The following ADAM29 variants were observed in gnomAD, a reference collection of about 807,000 sequenced individuals.
The protein encoded by ADAM29 is disintegrin and metalloproteinase domain-containing protein 29.
For missense variants in ADAM29, 969 were observed against 1,001.8 expected, an observed-to-expected ratio of 0.97 and a Z score of 0.44; for synonymous variants, 367 against 342.3, an observed-to-expected ratio of 1.07 and a Z score of -0.80.
rs1291188095 is a variant in ADAM29 at position 174,977,393 on chromosome 4, G to GT, written c.1869dup (p.Asn624Ter). The GT allele has an allele frequency of 1.2e-6, 2 of 1,613,958 alleles. No individual in the cohort carries two copies. Among genetic ancestry groups the GT allele is most frequent in the Non-Finnish European group, 8.5e-7 (1 of 1,179,992 alleles). On this transcript the variant is annotated frameshift_variant, in exon 5 of 5. Coordinates refer to ENST00000359240, the MANE Select transcript of ADAM29 (RefSeq NM_014269.4). LOFTEE classifies it low-confidence loss of function (END_TRUNC). ...TGTGTCCATATAACCATCTTGAATA[G>GT]TAATTGCTCACCTGCATTTTGTAAC...
intron 4 of ADAM29, among the ~76,000 whole-genome samples, chr4:174,972,768 C>A (rs1008660513): frequency 2.0e-5 from 3 of 152,106 alleles, no homozygotes; most frequent in Admixed American, 6.6e-5. Flanking sequence ...CAGTAAGATG[C>A]CAGTTCTTTG....
chr4:174,919,999 A>T (rs1452486547), intron 1 of ADAM29, among the ~76,000 whole-genome samples: 2 of 152,142 alleles, frequency 1.3e-5, no homozygotes, highest in African/African-American at 4.8e-5. Context: ...TGTTAATCAA[A>T]TCTCTTATCT....
At chr4:174,941,215 G>T (rs1305385067) in intron 4 of ADAM29, among the ~76,000 whole-genome samples, 1 of 152,110 alleles carries the variant, frequency 6.6e-6, no homozygotes, top group Non-Finnish European at 1.5e-5. Flanking sequence ...GGTAAAGGTA[G>T]CAGTGTTTTT....
Position 174,969,791 on chromosome 4 carries a change from AATTT to A in ADAM29, c.-180-5549_-180-5546del, listed in dbSNP as rs1162202967. Reference sequence around the variant, plus strand: ...TTCCATATAAAAATGAAATATCATTAATTTATTTACCCAAAGTTGAGAATCTTTA... The same window carrying A: ...TTCCATATAAAAATGAAATATCATTAATTTACCCAAAGTTGAGAATCTTTA... On this transcript the variant is annotated intron_variant, in intron 4 of 4. Transcript: ENST00000359240. Among the ~76,000 whole-genome samples the A allele has an allele frequency of 1.6e-4, 24 of 152,198 alleles. 1 individual carries two copies. Among genetic ancestry groups the A allele is most frequent in the Admixed American group, 1.2e-3 (19 of 15,284 alleles).
chr4:174,976,470 T>G lies in ADAM29; in HGVS notation c.945T>G (p.Ile315Met). ...GMCTPHRSCAIVTFMNKTLGT... is the reference protein window; with the variant it reads ...GMCTPHRSCAMVTFMNKTLGT... ...GTACACCACACCGTAGTTGTGCAAT[T>G]GTTACTTTCATGAACAAAACTTTGG... The change falls in exon 5 of 5, where the codon ATT becomes ATG. Residue 315 changes from isoleucine (I) to methionine (M), a missense_variant. Transcript: ENST00000359240. 2 of 1,611,152 alleles carry G rather than the reference T, an allele frequency of 1.2e-6. No individual in the cohort carries two copies. Among genetic ancestry groups the G allele is most frequent in the Non-Finnish European group, 1.7e-6 (2 of 1,178,598 alleles).
At chr4:174,949,122 C>T (rs575605994) in intron 4 of ADAM29, among the ~76,000 whole-genome samples, 5 of 152,154 alleles carry the variant, frequency 3.3e-5, no homozygotes, top group East Asian at 1.9e-4. Context: ...GTTGGGTAAC[C>T]GAGGCTGCAC....
Position 174,975,653 on chromosome 4 carries a change from C to G in ADAM29, c.128C>G (p.Thr43Ser). Reference sequence around the variant, plus strand: ...ATTCCTGTGAGGATAACTGGCACCACCAGAGGCATGACACCTCCAGGCTGG... The same window carrying G: ...ATTCCTGTGAGGATAACTGGCACCAGCAGAGGCATGACACCTCCAGGCTGG... ...VVIPVRITGT[T>S]RGMTPPGWLS... The change falls in exon 5 of 5, where the codon ACC becomes AGC. Residue 43 changes from threonine to serine, a missense_variant. Physicochemically the swap from Thr to Ser is moderately conservative, Grantham distance 58. Coordinates refer to ENST00000359240, the MANE Select transcript of ADAM29 (RefSeq NM_014269.4). 6.2e-7 allele frequency: 1 copy of G among 1,613,158 alleles called. No individual in the cohort carries two copies. Among genetic ancestry groups the G allele is most frequent in the Non-Finnish European group, 8.5e-7 (1 of 1,179,582 alleles).
intron 2 of ADAM29, among the ~76,000 whole-genome samples, chr4:174,926,179 C>T (rs1419535355): frequency 1.3e-5 from 2 of 151,948 alleles, no homozygotes; most frequent in African/African-American, 4.8e-5. Flanking sequence ...CCTGGTTTAT[C>T]GTATTTAACT....
At chr4:174,935,479 A>G (rs1229875820) in intron 3 of ADAM29, among the ~76,000 whole-genome samples, 1 of 152,108 alleles carries the variant, frequency 6.6e-6, no homozygotes, top group Non-Finnish European at 1.5e-5. Context: ...AAGTAAACCT[A>G]CTACCCCATT....
At position 174,976,826 on chromosome 4, in the gene ADAM29, G is replaced by A. The variant is rs267600091; in HGVS notation, c.1301G>A (p.Gly434Asp). 1 of 1,614,182 alleles carries A rather than the reference G, an allele frequency of 6.2e-7. No individual in the cohort carries two copies. Among genetic ancestry groups the A allele is most frequent in the Non-Finnish European group, 8.5e-7 (1 of 1,180,032 alleles). ...CCLSNCTLTDGSTCAFGLCCK... is the reference protein window; with the variant it reads ...CCLSNCTLTDDSTCAFGLCCK... ...CTGTCAAATTGCACTCTGACTGATGGTTCTACTTGTGCTTTTGGGCTTTGT... is the reference window on the plus strand; with the variant it reads ...CTGTCAAATTGCACTCTGACTGATGATTCTACTTGTGCTTTTGGGCTTTGT... Residue 434 changes from glycine (G) to aspartate (D), a missense_variant, in exon 5 of 5, where the codon GGT becomes GAT. Physicochemically the swap from Gly to Asp is moderately conservative, Grantham distance 94. Coordinates refer to ENST00000359240, the MANE Select transcript of ADAM29 (RefSeq NM_014269.4).
At chr4:174,965,748 C>T (rs1746122484) in intron 4 of ADAM29, among the ~76,000 whole-genome samples, 1 of 151,500 alleles carries the variant, frequency 6.6e-6, no homozygotes, top group Non-Finnish European at 1.5e-5. Context: ...GACGTGGTGT[C>T]CTCATCCTCT....
intron 4 of ADAM29, among the ~76,000 whole-genome samples, chr4:174,950,831 T>C (rs960782530): frequency 2.6e-5 from 4 of 152,166 alleles, no homozygotes; most frequent in Admixed American, 1.3e-4. Flanking sequence ...GTTCATGTGA[T>C]AGAGTTCTCA....
At chr4:174,962,264 T>C (rs143304738) in intron 4 of ADAM29, among the ~76,000 whole-genome samples, 2,917 of 152,068 alleles carry the variant, frequency 0.019, 42 homozygotes, top group South Asian at 0.034. Flanking sequence ...GTAATCCCAG[T>C]ACTTTGGGAG....
chr4:174,932,115 C>A (rs898273271), intron 3 of ADAM29, among the ~76,000 whole-genome samples: 1 of 151,952 alleles, frequency 6.6e-6, no homozygotes, highest in Admixed American at 6.6e-5. Context: ...ATGGTGAAAA[C>A]CAGCTCTACT....
intron 4 of ADAM29, among the ~76,000 whole-genome samples, chr4:174,950,480 C>A (rs1311292613): frequency 2.0e-5 from 3 of 152,180 alleles, no homozygotes; most frequent in Non-Finnish European, 2.9e-5. Flanking sequence ...TAAGTAAATT[C>A]ATTTTTACCC....
At chr4:174,964,862 CTTTATGTATATGTTCA>C (rs1746058261) in intron 4 of ADAM29, among the ~76,000 whole-genome samples, 1 of 151,624 alleles carries the variant, frequency 6.6e-6, no homozygotes, top group Non-Finnish European at 1.5e-5. Context: ...TTGCAAAATT[CTTTATGTATATGTTCA>C]TAAGTGTTTG....
At chr4:174,933,554 G>T (rs993450837) in intron 3 of ADAM29, among the ~76,000 whole-genome samples, 1 of 152,048 alleles carries the variant, frequency 6.6e-6, no homozygotes, top group African/African-American at 2.4e-5. Flanking sequence ...GGAGTTTGTT[G>T]TACAGAATAT....
At chr4:174,960,107 ATTTT>A (rs1745723786) in intron 4 of ADAM29, among the ~76,000 whole-genome samples, 1 of 151,910 alleles carries the variant, frequency 6.6e-6, no homozygotes, top group Non-Finnish European at 1.5e-5. Flanking sequence ...TGTTTATAAT[ATTTT>A]CTTATTAACA....
Position 174,977,791 on chromosome 4 carries a change from C to A in ADAM29, c.2266C>A (p.Pro756Thr). The change falls in exon 5 of 5, where the codon CCT (proline) becomes ACT (threonine). Residue 756 changes from proline to threonine, a missense_variant. By Grantham distance (38) the Pro-to-Thr change is conservative. Transcript: ENST00000359240. ...TTCCCAGAGTCATCCTCAGGTGATG[C>A]CTTCCCAGAGTCAACCTCCTGTGAC... ...TPSQSHPQVM[P>T]SQSQPPVTPS... 1 of 1,600,508 alleles carries A rather than the reference C, an allele frequency of 6.2e-7. No individual in the cohort carries two copies. Among genetic ancestry groups the A allele is most frequent in the Non-Finnish European group, 8.5e-7 (1 of 1,170,882 alleles).
Sources: allele counts gnomAD v4.1 joint callset (sites outside exome capture counted in the v4.1 genomes callset), GRCh38; gene constraint gnomAD v4.1.1; transcripts MANE v1.5; gene names NCBI Gene and HGNC (gene_info 2026-07-23, HGNC 2026-07-21).